The following KIAA1328 variants were observed in gnomAD, a reference collection of about 807,000 sequenced individuals.
The protein encoded by KIAA1328 is KIAA1328.
In KIAA1328, 52 loss-of-function variants were observed where a neutral mutation model predicts 68.1. The observed-to-expected ratio is 0.76, with a 90% confidence interval of 0.61 to 0.96. The LOEUF (loss-of-function observed/expected upper bound fraction) is 0.96. Among genes scored for constraint, KIAA1328 ranks in the 40% least tolerant of loss-of-function variants. The pLI, the probability that KIAA1328 is intolerant of heterozygous loss-of-function variation, is 0.00. For synonymous variants in KIAA1328, 232 were observed against 239.4 expected (o/e 0.97, Z 0.28); for missense variants, 641 against 677.6 (o/e 0.95, Z 0.60).
At chr18:37,155,269 C>T (rs1481351840) in intron 7 of KIAA1328, among the ~76,000 whole-genome samples, 1 of 152,158 alleles carries the variant, frequency 6.6e-6, no homozygotes, top group Non-Finnish European at 1.5e-5. Context: ...CTCAACTCTA[C>T]CACCTCTAAA....
chr18:37,019,434 A>G (rs2054263295), intron 6 of KIAA1328, among the ~76,000 whole-genome samples: 1 of 152,228 alleles, frequency 6.6e-6, no homozygotes, highest in Non-Finnish European at 1.5e-5. Context: ...GAGCTCCCTG[A>G]TCAACCTCAC....
intron 7 of KIAA1328, among the ~76,000 whole-genome samples, chr18:37,077,027 AC>A (rs1268042633): frequency 3.3e-5 from 5 of 152,106 alleles, no homozygotes; most frequent in African/African-American, 1.2e-4. Flanking sequence ...CAGAGACACA[AC>A]CAAAAAAGAG....
intron 9 of KIAA1328, 138 bp from the exon 10 acceptor site, chr18:37,221,879 A>T: frequency 1.2e-6 from 1 of 835,618 alleles, no homozygotes; most frequent in Non-Finnish European, 1.9e-6. Flanking sequence ...CTTCACAAAA[A>T]TTCCCTTAAG....
chr18:37,052,571 A>T (rs535458093), intron 6 of KIAA1328, among the ~76,000 whole-genome samples: 1 of 152,174 alleles, frequency 6.6e-6, no homozygotes, highest in Non-Finnish European at 1.5e-5. Flanking sequence ...CTGACGACAT[A>T]ATCCTATATC....
intron 9 of KIAA1328, among the ~76,000 whole-genome samples, chr18:37,208,029 G>A (rs554724411): frequency 3.9e-5 from 6 of 152,006 alleles, no homozygotes; most frequent in Admixed American, 6.5e-5. Context: ...GGCTGGTCTC[G>A]AACTGCCGAC....
At chr18:37,155,434 G>A (rs373272510) in intron 7 of KIAA1328, among the ~76,000 whole-genome samples, 1 of 151,992 alleles carries the variant, frequency 6.6e-6, no homozygotes, top group South Asian at 2.1e-4. Flanking sequence ...CAAAATTCTG[G>A]CAGTCATTCT....
At chr18:36,931,536 G>C (rs2050310847) in intron 5 of KIAA1328, among the ~76,000 whole-genome samples, 1 of 152,010 alleles carries the variant, frequency 6.6e-6, no homozygotes, top group South Asian at 2.1e-4. Flanking sequence ...ACCGGTCCTT[G>C]ATGCCAAAAA....
intron 5 of KIAA1328, among the ~76,000 whole-genome samples, chr18:36,951,391 T>C (rs534169361): frequency 1.4e-4 from 22 of 152,312 alleles, no homozygotes; most frequent in Middle Eastern, 6.8e-3. Context: ...TGAGCACTTA[T>C]GTAGGCTAAG....
intron 4 of KIAA1328, among the ~76,000 whole-genome samples, chr18:36,848,726 A>T (rs1052436621): frequency 6.6e-6 from 1 of 150,882 alleles, no homozygotes. Flanking sequence ...GAGAAAATTT[A>T]TTTTTGTTTC....
chr18:36,955,378 C>T (rs1169251292), intron 5 of KIAA1328, among the ~76,000 whole-genome samples: 1 of 149,430 alleles, frequency 6.7e-6, no homozygotes, highest in African/African-American at 2.5e-5. Flanking sequence ...TGAGTGATCT[C>T]GGCTCACTGC....
intron 7 of KIAA1328, among the ~76,000 whole-genome samples, chr18:37,143,644 C>A (rs1448867537): frequency 6.8e-6 from 1 of 147,038 alleles, no homozygotes; most frequent in Non-Finnish European, 1.5e-5. Flanking sequence ...CAGTAATTAA[C>A]CAGTAAGTAA....
chr18:37,199,870 T>C (rs1331319206), intron 9 of KIAA1328, among the ~76,000 whole-genome samples: 1 of 152,270 alleles, frequency 6.6e-6, no homozygotes, highest in Admixed American at 6.5e-5. Flanking sequence ...TTTTTTCATA[T>C]GATTGTTGGC....
At chr18:36,944,308 G>T (rs182023126) in intron 5 of KIAA1328, among the ~76,000 whole-genome samples, 305 of 152,152 alleles carry the variant, frequency 2.0e-3, no homozygotes, top group African/African-American at 7.0e-3. Flanking sequence ...GCCAGGCGCG[G>T]TGGCTCACAC....
intron 4 of KIAA1328, among the ~76,000 whole-genome samples, chr18:36,871,906 A>G (rs766033584): frequency 1.2e-4 from 18 of 152,090 alleles, no homozygotes; most frequent in Non-Finnish European, 2.2e-4. Context: ...CCCCTTGGGC[A>G]GCAAATATGG....
chr18:36,913,179 C>G (rs895666554), intron 5 of KIAA1328, among the ~76,000 whole-genome samples: 1 of 151,768 alleles, frequency 6.6e-6, no homozygotes, highest in Non-Finnish European at 1.5e-5. Context: ...TTCTCTTTCC[C>G]CCTTTCAATT....
intron 9 of KIAA1328, among the ~76,000 whole-genome samples, chr18:37,186,923 C>T (rs964026837): frequency 6.6e-6 from 1 of 152,120 alleles, no homozygotes; most frequent in Non-Finnish European, 1.5e-5. Context: ...CCTGTAATCC[C>T]AGCACTTTGG....
intron 7 of KIAA1328, among the ~76,000 whole-genome samples, chr18:37,141,729 C>T (rs2154208230): frequency 6.6e-6 from 1 of 152,326 alleles, no homozygotes; most frequent in East Asian, 1.9e-4. Context: ...ATTCCAGTTG[C>T]TCCATGTCCT....
rs189212968 is a variant in KIAA1328, at chr18:37,197,400, G to C, written c.1523+24319G>C. On this transcript the variant is annotated intron_variant, in intron 9 of 9. Transcript: ENST00000280020. ...AAAGTGTGGGGTAGAAGCAAAAATGGTATGAAGTGGAAATTTAAAGCAAGA... is the reference window on the plus strand; with the variant it reads ...AAAGTGTGGGGTAGAAGCAAAAATGCTATGAAGTGGAAATTTAAAGCAAGA... 3.3e-5 allele frequency among the ~76,000 whole-genome samples: 5 copies of C among 152,120 alleles called. No homozygotes were observed. In the East Asian group the frequency reaches 9.7e-4, roughly 29 times the overall value.
chr18:36,948,878 CGT>C (rs1216578426), intron 5 of KIAA1328, among the ~76,000 whole-genome samples: 2 of 152,144 alleles, frequency 1.3e-5, no homozygotes, highest in Non-Finnish European at 2.9e-5. Flanking sequence ...GTCTGTTTCT[CGT>C]GTTTGGAGCT....
Sources: gnomAD v4.1 joint callset for allele counts (sites outside exome capture counted in the v4.1 genomes callset) on GRCh38, gnomAD v4.1.1 for gene constraint, MANE v1.5 for transcripts, NCBI Gene and HGNC (gene_info 2026-07-23, HGNC 2026-07-21) for gene names.